TDRD5: variants seen among roughly 807,000 people sequenced by gnomAD.
TDRD5 encodes tudor domain containing 5, also known as tudor domain-containing protein 5.
In TDRD5, 41 loss-of-function variants were observed where a neutral mutation model predicts 120.6. The observed-to-expected ratio is 0.34, with a 90% CI of 0.26 to 0.44. TDRD5 has a LOEUF of 0.44. Among genes scored for constraint, TDRD5 ranks in the 20% least tolerant of loss-of-function variants. The pLI, the probability that TDRD5 is intolerant of heterozygous loss-of-function variation, is 1.00. For synonymous variants in TDRD5, 430 were observed against 433.7 expected (o/e 0.99, Z 0.11); for missense variants, 1,006 against 1,221.2 (o/e 0.82, Z 2.63).
chr1:179,644,027 G>A (rs2102037236), intron 11 of TDRD5, among the ~76,000 whole-genome samples: 1 of 152,204 alleles, frequency 6.6e-6, no homozygotes, highest in South Asian at 2.1e-4. Flanking sequence ...AAGTCTGAAA[G>A]AGAAAAAGAA....
chr1:179,595,642 C>G lies in TDRD5; in HGVS notation c.655C>G (p.Gln219Glu). Residue 219 changes from glutamine (Q) to glutamate (E), a missense_variant, in exon 4 of 18, where the codon CAG (glutamine) becomes GAG (glutamate). Gln to Glu is a conservative substitution (Grantham distance 29, BLOSUM62 2). This residue lies in a region of TDRD5 where 445 missense variants were observed against 515.5 expected (regional missense o/e 0.86). Transcript: ENST00000444136. ...ACTCACAAAAGGTAAAATTTTTACC[C>G]AGCCATTTAGAATGAAACAAGGGTC... ...RGCPAGKIFT[Q>E]PFRMKQGSYS... is the part of the protein sequence containing the mutation. The G allele has an allele frequency of 6.4e-7, 1 of 1,573,630 alleles. No individual in the cohort carries two copies. Among genetic ancestry groups the G allele is most frequent in the Non-Finnish European group, 8.6e-7 (1 of 1,164,778 alleles).
At chr1:179,636,794 A>G (rs1162313250) in intron 9 of TDRD5, among the ~76,000 whole-genome samples, 1 of 152,200 alleles carries the variant, frequency 6.6e-6, no homozygotes, top group Non-Finnish European at 1.5e-5. Flanking sequence ...TTTTACTCGA[A>G]AGTTTGATTT....
At chr1:179,622,956 G>A (rs1180035947) in intron 6 of TDRD5, among the ~76,000 whole-genome samples, 2 of 152,148 alleles carry the variant, frequency 1.3e-5, no homozygotes, top group African/African-American at 4.8e-5. Context: ...TAGTAAAAAT[G>A]CAGAAAACCA....
rs764783390 is a variant in TDRD5, at chr1:179,592,856, A to G, written c.232+9A>G. The G allele has an allele frequency of 3.1e-6, 5 of 1,611,294 alleles. No homozygotes were observed. The highest frequency in any genetic ancestry group is 4.2e-6 in the Non-Finnish European group (5 of 1,177,504). On this transcript the variant is annotated intron_variant, in intron 2 of 17. Coordinates refer to ENST00000444136, the MANE Select transcript of TDRD5 (RefSeq NM_001199085.3). ...TACTGTAATACTGAAAGGTAGGTTT[A>G]AGATTTTTGAAGGTCTATAAACTTT... is the stretch of plus-strand genomic sequence containing the variant.
chr1:179,652,016 C>T (rs748961263), intron 12 of TDRD5, 23 bp from the exon 13 acceptor site: 1 of 1,606,898 alleles, frequency 6.2e-7, no homozygotes, highest in South Asian at 1.1e-5. Context: ...ATTAAACCAT[C>T]CCTTTTCTTT....
intron 4 of TDRD5, among the ~76,000 whole-genome samples, chr1:179,602,365 T>G (rs1675760928): frequency 6.6e-6 from 1 of 152,222 alleles, no homozygotes; most frequent in African/African-American, 2.4e-5. Context: ...TTTTGAGAAT[T>G]GTCAATTCAT....
chr1:179,617,464 T>A (rs1676622077), intron 4 of TDRD5, among the ~76,000 whole-genome samples: 1 of 152,128 alleles, frequency 6.6e-6, no homozygotes, highest in Non-Finnish European at 1.5e-5. Context: ...GTGAAGAAAC[T>A]GAGACCTAAA....
intron 4 of TDRD5, among the ~76,000 whole-genome samples, chr1:179,610,000 T>A (rs1676197523): frequency 6.6e-6 from 1 of 152,136 alleles, no homozygotes; most frequent in African/African-American, 2.4e-5. Flanking sequence ...TCCTACACCA[T>A]ATCCTGAAAG....
At chr1:179,690,119 C>G (rs563596387) in intron 17 of TDRD5, among the ~76,000 whole-genome samples, 1 of 152,346 alleles carries the variant, frequency 6.6e-6, no homozygotes, top group East Asian at 1.9e-4. Context: ...GTTGGAAATG[C>G]AGAAATCACC....
chr1:179,626,811 T>TA (rs1423126611), intron 6 of TDRD5, among the ~76,000 whole-genome samples: 3 of 152,006 alleles, frequency 2.0e-5, no homozygotes, highest in Non-Finnish European at 4.4e-5. Flanking sequence ...TGACAGGTAT[T>TA]AAACAGGCAA....
At position 179,593,701 on chromosome 1, in the gene TDRD5, C is replaced by G. The variant is rs746245973; in HGVS notation, c.474C>G (p.Ala158=). 6.2e-7 allele frequency: 1 copy of G among 1,614,210 alleles called. No individual in the cohort carries two copies. Among genetic ancestry groups the G allele is most frequent in the East Asian group, 2.2e-5 (1 of 44,890 alleles). The change falls in exon 3 of 18, where the codon GCC becomes GCG. Residue 158 remains alanine, a synonymous_variant. Coordinates refer to ENST00000444136, the MANE Select transcript of TDRD5 (RefSeq NM_001199085.3). ...TTTCTGATTTTGAAAAGGCATTTGC[C>G]AAAAGATTTGGACGATCATTCCAAT... is the stretch of plus-strand genomic sequence containing the variant. ...VLLSDFEKAF[A]KRFGRSFQYM...
chr1:179,600,072 C>T (rs1467576321), intron 4 of TDRD5, among the ~76,000 whole-genome samples: 2 of 151,998 alleles, frequency 1.3e-5, no homozygotes, highest in African/African-American at 2.4e-5. Context: ...GGAAGTATTC[C>T]AGAAGGAAGG....
At chr1:179,657,559 T>C (rs6425586) in intron 14 of TDRD5, among the ~76,000 whole-genome samples, 51,250 of 152,034 alleles carry the variant, frequency 0.34, 8,879 homozygotes, top group Admixed American at 0.42. Flanking sequence ...TCATGAGATA[T>C]TGGTCTGTAG....
At position 179,657,790 on chromosome 1, in the gene TDRD5, T is replaced by G. The variant is rs927307580; in HGVS notation, c.2322+3428T>G. 9.2e-5 allele frequency among the ~76,000 whole-genome samples: 14 copies of G among 152,208 alleles called. 1 individual carries two copies. The highest frequency in any genetic ancestry group is 2.4e-5 in the African/African-American group (1 of 41,452). ...AACATGTTTCAATATATGTATACAC[T>G]GTAGCATGTATAAGTCAAGCTATTT... On this transcript the variant is annotated intron_variant, in intron 14 of 17. Transcript: ENST00000444136.
intron 14 of TDRD5, among the ~76,000 whole-genome samples, chr1:179,660,217 T>G (rs1243124979): frequency 1.6e-5 from 2 of 124,032 alleles, no homozygotes; most frequent in Non-Finnish European, 3.4e-5. Flanking sequence ...TATGGTTTTT[T>G]TTTTTTTTTT....
At chr1:179,665,421 T>C (rs1036273625) in intron 16 of TDRD5, among the ~76,000 whole-genome samples, 3 of 152,280 alleles carry the variant, frequency 2.0e-5, no homozygotes, top group Admixed American at 1.3e-4. Flanking sequence ...TAATTTGTTA[T>C]GGTGTGAGAT....
At chr1:179,680,259 C>T (rs1325413038) in intron 17 of TDRD5, among the ~76,000 whole-genome samples, 4 of 152,036 alleles carry the variant, frequency 2.6e-5, no homozygotes, top group African/African-American at 9.7e-5. Context: ...TACTTTAGAA[C>T]GATGTATATA....
At position 179,635,700 on chromosome 1, in the gene TDRD5, G is replaced by T; in HGVS notation, c.1333G>T (p.Ala445Ser). The change falls in exon 9 of 18, where the codon GCA becomes TCA. Residue 445 changes from alanine (A) to serine (S), a missense_variant. By Grantham distance (99) the Ala-to-Ser change is moderately conservative. This residue lies in a region of TDRD5 where 445 missense variants were observed against 515.5 expected (regional missense o/e 0.86). Transcript: ENST00000444136. ...AACAAACAAATCAGAGCTCAACTTGGCAATGGCAAATCATGACATCCCGCC... is the reference window on the plus strand; with the variant it reads ...AACAAACAAATCAGAGCTCAACTTGTCAATGGCAAATCATGACATCCCGCC... The part of the protein sequence containing the change: ...VETNKSELNL[A>S]MANHDIPPDA... 1 of 1,613,912 alleles carries T rather than the reference G, an allele frequency of 6.2e-7. No individual in the cohort carries two copies. Among genetic ancestry groups the T allele is most frequent in the Non-Finnish European group, 8.5e-7 (1 of 1,179,968 alleles).
upstream of TDRD5, chr1:179,591,766 A>AC (rs1324842636): frequency 6.6e-6 from 1 of 152,366 alleles, no homozygotes; most frequent in African/African-American, 2.4e-5. Context: ...CCCACCTGCC[A>AC]CGTGCCCTCG....
Sources: allele counts gnomAD v4.1 joint callset (sites outside exome capture counted in the v4.1 genomes callset), GRCh38; gene constraint gnomAD v4.1.1; regional missense constraint gnomAD v4.1.1; transcripts MANE v1.5; gene names NCBI Gene and HGNC (gene_info 2026-07-23, HGNC 2026-07-21).